BMPER: variants seen among roughly 807,000 people sequenced by gnomAD.
The protein encoded by BMPER is BMP binding endothelial regulator.
BMPER carries 45 observed loss-of-function variants against 87.3 expected under a neutral mutation model. The observed-to-expected ratio is 0.52, with a 90% CI of 0.41 to 0.66. The LOEUF is 0.66. Ranked by LOEUF, BMPER falls within the 30% of genes least tolerant of loss-of-function variation. The probability of loss-of-function intolerance (pLI) is 0.00; values close to 1 mark genes in which losing one functional copy is unlikely to be tolerated. For missense variants in BMPER, 784 were observed against 867.5 expected, an observed-to-expected ratio of 0.90 and a Z score of 1.21; for synonymous variants, 326 against 316.2, an observed-to-expected ratio of 1.03 and a Z score of -0.33.
At chr7:34,091,985 G>A (rs1342280175) in intron 13 of BMPER, among the ~76,000 whole-genome samples, 4 of 152,028 alleles carry the variant, frequency 2.6e-5, no homozygotes, top group Non-Finnish European at 5.9e-5. Context: ...TGACCCTTTT[G>A]TATTTCACCC....
intron 13 of BMPER, among the ~76,000 whole-genome samples, chr7:34,131,153 T>C (rs184155916): frequency 1.2e-4 from 19 of 152,034 alleles, no homozygotes; most frequent in Admixed American, 1.2e-3. Flanking sequence ...TGATTTGGCT[T>C]TGGGGAATGT....
chr7:34,058,442 T>C (rs190338555), intron 10 of BMPER, among the ~76,000 whole-genome samples: 21 of 152,364 alleles, frequency 1.4e-4, no homozygotes, highest in African/African-American at 4.6e-4. Flanking sequence ...ATCTCTTTCT[T>C]TGTTTTCTTT....
At chr7:33,964,297 T>C (rs956189773) in intron 3 of BMPER, among the ~76,000 whole-genome samples, 2 of 152,196 alleles carry the variant, frequency 1.3e-5, no homozygotes, top group Non-Finnish European at 2.9e-5. Context: ...AGGTGAAGAA[T>C]GAAAAGGTGT....
rs1789197553 is a variant in BMPER, at chr7:34,086,093, G to A, written c.1745+1G>A. 1 of 1,613,402 alleles carries A rather than the reference G, an allele frequency of 6.2e-7. No homozygotes were observed. The highest frequency in any genetic ancestry group is 1.3e-5 in the African/African-American group (1 of 74,864). ...CTGTGGACTACGCCACTTTCTACCG[G>A]TAAGTACAGTGTTCTGGGGAATGGT... On this transcript the variant is annotated splice_donor_variant, in intron 13 of 14. Coordinates refer to ENST00000649409, the MANE Select transcript of BMPER (RefSeq NM_001365308.1). LOFTEE classifies it high-confidence loss of function.
chr7:33,944,103 A>G (rs1784826501), intron 3 of BMPER, among the ~76,000 whole-genome samples: 1 of 151,994 alleles, frequency 6.6e-6, no homozygotes, highest in African/African-American at 2.4e-5. Flanking sequence ...GAATGTGGGG[A>G]ATGTTTTACT....
intron 6 of BMPER, among the ~76,000 whole-genome samples, chr7:34,039,734 A>G (rs1273219971): frequency 6.6e-6 from 1 of 151,998 alleles, no homozygotes; most frequent in East Asian, 1.9e-4. Flanking sequence ...ATGTGTGTAT[A>G]TCTATATAAA....
rs1583487606 is a variant in BMPER, at chr7:34,153,165, T to A, written c.1950T>A (p.Asn650Lys). The change falls in exon 15 of 15, where the codon AAT (asparagine) becomes AAA (lysine). Residue 650 changes from asparagine (N) to lysine (K), a missense_variant. Coordinates refer to ENST00000649409, the MANE Select transcript of BMPER (RefSeq NM_001365308.1). ...PGCIKTCDNW[N>K]EIGPCNKPCV... ...GTATCAAGACGTGTGACAACTGGAA[T>A]GAAATTGGTCCATGCAACAAGCCGT... The A allele has an allele frequency of 6.2e-7, 1 of 1,614,004 alleles. No individual in the cohort carries two copies. The highest frequency in any genetic ancestry group is 1.1e-5 in the South Asian group (1 of 91,086).
At chr7:33,948,307 A>T (rs751193908) in intron 3 of BMPER, among the ~76,000 whole-genome samples, 2 of 152,254 alleles carry the variant, frequency 1.3e-5, no homozygotes, top group Non-Finnish European at 2.9e-5. Context: ...GGAAGAGAAG[A>T]CAATCCTCCA....
At chr7:34,087,634 A>C (rs761851981) in intron 13 of BMPER, among the ~76,000 whole-genome samples, 7 of 152,232 alleles carry the variant, frequency 4.6e-5, no homozygotes, top group Non-Finnish European at 7.3e-5. Context: ...TCAGCGCTCT[A>C]TAATTGTTGC....
intron 2 of BMPER, among the ~76,000 whole-genome samples, chr7:33,928,708 A>G (rs1784416970): frequency 6.7e-6 from 1 of 150,050 alleles, no homozygotes; most frequent in South Asian, 2.1e-4. Flanking sequence ...CAATCCCTCC[A>G]ACAAACTAAA....
intron 3 of BMPER, among the ~76,000 whole-genome samples, chr7:33,944,478 T>A (rs1370650578): frequency 1.3e-5 from 2 of 152,210 alleles, no homozygotes; most frequent in African/African-American, 4.8e-5. Context: ...AAGAATGATT[T>A]TCTCAATGGG....
At chr7:34,141,392 C>A (rs776487975) in intron 13 of BMPER, among the ~76,000 whole-genome samples, 3 of 151,942 alleles carry the variant, frequency 2.0e-5, no homozygotes, top group Non-Finnish European at 4.4e-5. Context: ...GGTGGATCAT[C>A]TGAGGTCAGG....
chr7:34,136,786 G>T (rs1790731336), intron 13 of BMPER, among the ~76,000 whole-genome samples: 1 of 152,238 alleles, frequency 6.6e-6, no homozygotes, highest in East Asian at 1.9e-4. Context: ...ACCCTTTGTG[G>T]TGGCAGAGAA....
At chr7:34,150,548 C>T (rs990766438) in intron 14 of BMPER, among the ~76,000 whole-genome samples, 1 of 152,072 alleles carries the variant, frequency 6.6e-6, no homozygotes, top group Non-Finnish European at 1.5e-5. Context: ...ATATGATATT[C>T]AGCTTGGATG....
At chr7:34,152,244 G>A (rs1438489477) in intron 14 of BMPER, among the ~76,000 whole-genome samples, 1 of 152,170 alleles carries the variant, frequency 6.6e-6, no homozygotes, top group African/African-American at 2.4e-5. Context: ...TGTTCTTGGA[G>A]GGTCCCTGAT....
chr7:33,982,689 C>T (rs10486625), intron 6 of BMPER, among the ~76,000 whole-genome samples: 86,785 of 151,714 alleles, frequency 0.57, 25,100 homozygotes, highest in Middle Eastern at 0.64. Context: ...AGGCTTCTAG[C>T]GGAAGGTCTA....
At chr7:34,102,645 C>A (rs1349907952) in intron 13 of BMPER, among the ~76,000 whole-genome samples, 1 of 152,154 alleles carries the variant, frequency 6.6e-6, no homozygotes, top group African/African-American at 2.4e-5. Context: ...TTCCCTTTCT[C>A]CTTATTCTAG....
At chr7:34,015,185 T>C (rs1241276859) in intron 6 of BMPER, among the ~76,000 whole-genome samples, 1 of 151,970 alleles carries the variant, frequency 6.6e-6, no homozygotes, top group Non-Finnish European at 1.5e-5. Context: ...AAAACTGGAT[T>C]CTGAAGCCAC....
At chr7:34,029,844 G>A (rs887961705) in intron 6 of BMPER, among the ~76,000 whole-genome samples, 1 of 151,986 alleles carries the variant, frequency 6.6e-6, no homozygotes, top group African/African-American at 2.4e-5. Context: ...ATATTCCTGG[G>A]GAATTTGTAG....
Sources: gnomAD v4.1 joint callset for allele counts (sites outside exome capture counted in the v4.1 genomes callset) on GRCh38, gnomAD v4.1.1 for gene constraint, MANE v1.5 for transcripts, NCBI Gene and HGNC (gene_info 2026-07-23, HGNC 2026-07-21) for gene names.